Variants in KLHL2 observed in about 807,000 individuals in gnomAD.
The protein encoded by KLHL2 is kelch-like protein 2.
Under a neutral mutation model 75.8 loss-of-function variants are expected in KLHL2, and 15 were observed. The observed-to-expected ratio is 0.20, with a 90% CI of 0.13 to 0.30. KLHL2 has a LOEUF of 0.30. Ranked by LOEUF, KLHL2 falls within the 10% of genes least tolerant of loss-of-function variation. The pLI, the probability that KLHL2 is intolerant of heterozygous loss-of-function variation, is 1.00. For missense variants in KLHL2, 381 were observed against 741.0 expected (o/e 0.51, Z 5.64); for synonymous variants, 214 against 251.9 (o/e 0.85, Z 1.42).
chr4:165,297,457 A>C (rs946785606), intron 6 of KLHL2, 152 bp from the exon 7 acceptor site: 1 of 574,852 alleles, frequency 1.7e-6, no homozygotes, highest in Non-Finnish European at 3.2e-6. Context: ...TTGTAAGTAC[A>C]TTGCAAGTCA....
At chr4:165,306,307 A>T (rs1745724843) in intron 9 of KLHL2, among the ~76,000 whole-genome samples, 1 of 152,214 alleles carries the variant, frequency 6.6e-6, no homozygotes, top group Non-Finnish European at 1.5e-5. Flanking sequence ...CATCTTGGAG[A>T]TTGTTACATA....
intron 1 of KLHL2, among the ~76,000 whole-genome samples, chr4:165,212,397 A>G (rs895064662): frequency 2.0e-5 from 3 of 152,210 alleles, no homozygotes; most frequent in African/African-American, 4.8e-5. Flanking sequence ...GCACAAAGGC[A>G]TTCTTGAATT....
chr4:165,257,116 G>A (rs547856889), intron 4 of KLHL2, among the ~76,000 whole-genome samples: 2 of 151,938 alleles, frequency 1.3e-5, no homozygotes, highest in African/African-American at 4.8e-5. Context: ...ATTCACATTC[G>A]CAGTTTGTTC....
intron 8 of KLHL2, among the ~76,000 whole-genome samples, chr4:165,304,906 C>T (rs542791355): frequency 5.9e-5 from 9 of 152,176 alleles, no homozygotes; most frequent in South Asian, 2.1e-4. Flanking sequence ...ACATATAGAC[C>T]GTAGGCATTT....
Position 165,310,655 on chromosome 4 carries a change from C to T in KLHL2, c.1142C>T (p.Thr381Ile). The change falls in exon 10 of 15, where the codon ACC becomes ATC. Residue 381 changes from threonine to isoleucine, a missense_variant. Physicochemically the swap from Thr to Ile is moderately conservative, Grantham distance 89. This residue lies in a region of KLHL2 where 168 missense variants were observed against 370.4 expected (regional missense o/e 0.45). Transcript: ENST00000226725. ...TACGACCCTGTGAAGGACCAGTGGACCAGCGTTGCTAACATGAGAGACCGG... is the reference window on the plus strand; with the variant it reads ...TACGACCCTGTGAAGGACCAGTGGATCAGCGTTGCTAACATGAGAGACCGG... ...DSYDPVKDQW[T>I]SVANMRDRRS... The T allele has an allele frequency of 6.2e-7, 1 of 1,614,042 alleles. No homozygotes were observed. Among genetic ancestry groups the T allele is most frequent in the Non-Finnish European group, 8.5e-7 (1 of 1,179,946 alleles).
chr4:165,297,653 G>C lies in KLHL2; in HGVS notation c.699G>C (p.Val233=). The change falls in exon 7 of 15, where the codon GTG becomes GTC. Residue 233 remains valine, a synonymous_variant. Transcript: ENST00000226725. ...CATGGGTGAACCATGACAAGGATGT[G>C]AGGCAAGAGTTTATGGCCCGACTGA... ...VIAWVNHDKD[V]RQEFMARLME... The C allele has an allele frequency of 1.2e-6, 2 of 1,613,980 alleles. No homozygotes were observed. Among genetic ancestry groups the C allele is most frequent in the Non-Finnish European group, 1.7e-6 (2 of 1,179,840 alleles).
intron 11 of KLHL2, among the ~76,000 whole-genome samples, chr4:165,311,807 C>G (rs1453245761): frequency 2.7e-5 from 3 of 111,638 alleles, no homozygotes; most frequent in African/African-American, 4.3e-5. Flanking sequence ...CCTCCTTTCT[C>G]TCTGTGTGTG....
intron 9 of KLHL2, among the ~76,000 whole-genome samples, chr4:165,309,462 G>A (rs1441041540): frequency 1.3e-5 from 2 of 152,172 alleles, no homozygotes; most frequent in Admixed American, 6.5e-5. Flanking sequence ...CACTGATTCC[G>A]TAATATCTCT....
At chr4:165,302,376 C>A (rs1160362214) in intron 8 of KLHL2, among the ~76,000 whole-genome samples, 1 of 152,104 alleles carries the variant, frequency 6.6e-6, no homozygotes, top group African/African-American at 2.4e-5. Flanking sequence ...AGTAATGATG[C>A]CTTTTATCAT....
chr4:165,266,298 T>C (rs1579077064), intron 5 of KLHL2, among the ~76,000 whole-genome samples: 1 of 152,344 alleles, frequency 6.6e-6, no homozygotes, highest in East Asian at 1.9e-4. Context: ...ATAGTTTCTT[T>C]TGCTGTGCAG....
intron 5 of KLHL2, 21 bp downstream of exon 5, chr4:165,263,380 C>T (rs370741968): frequency 6.9e-6 from 11 of 1,605,522 alleles, no homozygotes; most frequent in Non-Finnish European, 9.4e-6. Flanking sequence ...TAGACCTCAG[C>T]TGAATTTGGG....
In KLHL2 at chr4:165,294,409, A is replaced by T; in HGVS notation, c.595A>T (p.Ile199Phe). ...TAGTGAAGAATTTCTCAATCTTGGC[A>T]TCGAACAAGTGTGCAGCTTAATCTC... is the stretch of plus-strand genomic sequence containing the variant. ...VLSEEFLNLG[I>F]EQVCSLISSD... The change falls in exon 6 of 15, where the codon ATC (isoleucine) becomes TTC (phenylalanine). Residue 199 changes from isoleucine (I) to phenylalanine (F), a missense_variant. Transcript: ENST00000226725. 1 of 1,612,396 alleles carries T rather than the reference A, an allele frequency of 6.2e-7. No individual in the cohort carries two copies. The highest frequency in any genetic ancestry group is 1.3e-5 in the African/African-American group (1 of 74,994).
At chr4:165,227,306 A>G (rs556544652) in intron 2 of KLHL2, among the ~76,000 whole-genome samples, 4 of 152,342 alleles carry the variant, frequency 2.6e-5, no homozygotes, top group Non-Finnish European at 5.9e-5. Flanking sequence ...GTCATCACTG[A>G]TGCTGGGGTA....
At chr4:165,250,350 A>G (rs1238151418) in intron 4 of KLHL2, among the ~76,000 whole-genome samples, 1 of 152,234 alleles carries the variant, frequency 6.6e-6, no homozygotes, top group Non-Finnish European at 1.5e-5. Flanking sequence ...TCTACTGAGC[A>G]GTTTTTTAAA....
At chr4:165,224,920 G>T (rs376409192) in intron 2 of KLHL2, among the ~76,000 whole-genome samples, 3 of 152,060 alleles carry the variant, frequency 2.0e-5, no homozygotes, top group Admixed American at 6.6e-5. Context: ...TCACCCTATT[G>T]TGAGACATAT....
chr4:165,288,878 G>A (rs1288920968), intron 5 of KLHL2, among the ~76,000 whole-genome samples: 1 of 151,314 alleles, frequency 6.6e-6, no homozygotes, highest in Non-Finnish European at 1.5e-5. Flanking sequence ...GTGGCTTGAG[G>A]CCAGGGAAGG....
chr4:165,233,345 A>C (rs1739068459), intron 3 of KLHL2, among the ~76,000 whole-genome samples: 1 of 152,270 alleles, frequency 6.6e-6, no homozygotes, highest in Admixed American at 6.5e-5. Flanking sequence ...TGTGGCATTT[A>C]GAAAGCTGTT....
intron 1 of KLHL2, among the ~76,000 whole-genome samples, chr4:165,217,370 C>G (rs1215791325): frequency 6.6e-6 from 1 of 152,172 alleles, no homozygotes; most frequent in African/African-American, 2.4e-5. Flanking sequence ...CTCCAGTTCT[C>G]TCCCTCCAGA....
intron 3 of KLHL2, among the ~76,000 whole-genome samples, chr4:165,236,665 CT>C (rs1739372294): frequency 6.6e-6 from 1 of 152,194 alleles, no homozygotes; most frequent in Non-Finnish European, 1.5e-5. Context: ...TTACAATACT[CT>C]TTAGTATGGG....
Sources: gnomAD v4.1 joint callset for allele counts (sites outside exome capture counted in the v4.1 genomes callset) on GRCh38, gnomAD v4.1.1 for gene constraint, gnomAD v4.1.1 regional missense constraint, MANE v1.5 for transcripts, NCBI Gene and HGNC (gene_info 2026-07-23, HGNC 2026-07-21) for gene names.